Variants in GOLIM4 observed in about 807,000 individuals in gnomAD.
The protein encoded by GOLIM4 is 130 kDa golgi-localized phosphoprotein.
Under a neutral mutation model 107.4 loss-of-function variants are expected in GOLIM4, and 71 were observed. The observed-to-expected ratio is 0.66, with a 90% CI of 0.55 to 0.81. The LOEUF (loss-of-function observed/expected upper bound fraction) is 0.81. Among genes scored for constraint, GOLIM4 ranks in the 30% least tolerant of loss-of-function variants. The pLI is 0.00. For missense variants in GOLIM4, 830 were observed against 826.1 expected, an observed-to-expected ratio of 1.00 and a Z score of -0.06; for synonymous variants, 327 against 294.8, an observed-to-expected ratio of 1.11 and a Z score of -1.12.
chr3:168,072,396 G>T (rs1050064208), intron 1 of GOLIM4, among the ~76,000 whole-genome samples: 6 of 149,718 alleles, frequency 4.0e-5, no homozygotes, highest in Non-Finnish European at 7.4e-5. Flanking sequence ...AAAAAAAAAG[G>T]TTCTGAAAGA....
At chr3:168,067,261 A>T (rs1339287282) in intron 1 of GOLIM4, among the ~76,000 whole-genome samples, 1 of 152,134 alleles carries the variant, frequency 6.6e-6, no homozygotes, top group Non-Finnish European at 1.5e-5. Context: ...CAACTAGTCC[A>T]TCTCTTCCAT....
rs542754911 is a variant in GOLIM4, at chr3:168,013,747, G to C, written c.1861-2924C>G. Among the ~76,000 whole-genome samples the C allele has an allele frequency of 2.7e-5, 4 of 150,764 alleles. No homozygotes were observed. The East Asian group carries it at 5.8e-4, about 22-fold the overall frequency. On this transcript the variant is annotated intron_variant, in intron 14 of 15. Coordinates refer to ENST00000470487, the MANE Select transcript of GOLIM4 (RefSeq NM_014498.5). ...AGGATTAAGAATCTCACTCAAAACC[G>C]CTCAACTACATGGAAACTGAACAAC...
At chr3:168,061,975 A>G (rs1016840770) in intron 1 of GOLIM4, among the ~76,000 whole-genome samples, 1 of 152,228 alleles carries the variant, frequency 6.6e-6, no homozygotes, top group Non-Finnish European at 1.5e-5. Context: ...TTGTGAATGT[A>G]TAATTCAATA....
At chr3:168,077,034 G>A (rs372756438) in intron 1 of GOLIM4, among the ~76,000 whole-genome samples, 3 of 151,994 alleles carry the variant, frequency 2.0e-5, no homozygotes, top group Non-Finnish European at 2.9e-5. Flanking sequence ...CATACCCTCC[G>A]CCTAAAAGTA....
intron 3 of GOLIM4, among the ~76,000 whole-genome samples, chr3:168,045,918 G>A (rs1193420344): frequency 1.3e-5 from 2 of 152,176 alleles, no homozygotes; most frequent in Non-Finnish European, 2.9e-5. Flanking sequence ...GGTCTGCCCT[G>A]TTGTCCAGGC....
chr3:168,030,948 A>G (rs573395795), intron 9 of GOLIM4, among the ~76,000 whole-genome samples: 124 of 152,354 alleles, frequency 8.1e-4, no homozygotes, highest in Admixed American at 1.2e-3. Context: ...TGGCTAAAAC[A>G]TGAAATCAAC....
rs919703334 is a variant in GOLIM4, at chr3:168,075,293, T to G, written c.187+19806A>C. Among the ~76,000 whole-genome samples, 8 of 82,980 alleles carry G rather than the reference T, an allele frequency of 9.6e-5. No homozygotes were observed. In the South Asian group the frequency reaches 1.1e-3, roughly 12 times the overall value. 54.4% of individuals were successfully genotyped at this position (82,980 alleles called of 152,430 possible). On this transcript the variant is annotated intron_variant, in intron 1 of 15. Transcript: ENST00000470487. ...ATTGGCGGACATTCACTAGTTTTTT[T>G]TTTTTTTTTTTTTTTTTTTTTGAGA...
At position 168,015,027 on chromosome 3, in the gene GOLIM4, A is replaced by G. The variant is rs1717283407; in HGVS notation, c.1861-4204T>C. On this transcript the variant is annotated intron_variant, in intron 14 of 15. Coordinates refer to ENST00000470487, the MANE Select transcript of GOLIM4 (RefSeq NM_014498.5). The stretch of plus-strand genomic sequence containing the variant: ...CCACTCCTATTCAACATAGTGTTGG[A>G]AGTTCTGGCCAGGGCAATTAGGCAG... 2.0e-5 allele frequency among the ~76,000 whole-genome samples: 3 copies of G among 150,764 alleles called. No individual in the cohort carries two copies. The South Asian group carries it at 6.3e-4, about 32-fold the overall frequency.
chr3:168,091,822 A>T (rs1316840451), intron 1 of GOLIM4, among the ~76,000 whole-genome samples: 1 of 152,254 alleles, frequency 6.6e-6, no homozygotes, highest in Non-Finnish European at 1.5e-5. Context: ...AGGTTCACAC[A>T]AAAGGTTGTA....
intron 1 of GOLIM4, among the ~76,000 whole-genome samples, chr3:168,076,415 C>T (rs1358212028): frequency 1.3e-5 from 2 of 152,098 alleles, no homozygotes; most frequent in East Asian, 1.9e-4. Context: ...AAATCCTGGC[C>T]GGGCATGGTG....
Position 168,015,577 on chromosome 3 carries a change from C to T in GOLIM4, c.1861-4754G>A, listed in dbSNP as rs1467106976. Among the ~76,000 whole-genome samples, 215 of 136,914 alleles carry T rather than the reference C, an allele frequency of 1.6e-3. 7 individuals are homozygous for T. In the East Asian group the frequency reaches 0.019, roughly 12 times the overall value. 89.8% of individuals were successfully genotyped at this position (136,914 alleles called of 152,430 possible). ...TATGGAACCAAAAAAGAGCCCGCATCGCCAAGTCAATCCTAAGCCAAAAGA... is the reference window on the plus strand; with the variant it reads ...TATGGAACCAAAAAAGAGCCCGCATTGCCAAGTCAATCCTAAGCCAAAAGA... On this transcript the variant is annotated intron_variant, in intron 14 of 15. Coordinates refer to ENST00000470487, the MANE Select transcript of GOLIM4 (RefSeq NM_014498.5).
At chr3:168,019,141 G>A (rs1322334470) in intron 14 of GOLIM4, among the ~76,000 whole-genome samples, 1 of 152,164 alleles carries the variant, frequency 6.6e-6, no homozygotes, top group Admixed American at 6.5e-5. Flanking sequence ...CTAAAGACTT[G>A]GCTCTGCAAC....
intron 11 of GOLIM4, among the ~76,000 whole-genome samples, chr3:168,028,905 C>T (rs1300284863): frequency 6.6e-6 from 1 of 152,066 alleles, no homozygotes; most frequent in Non-Finnish European, 1.5e-5. Context: ...GTGAGGACTT[C>T]CAAGGTAAGG....
chr3:168,025,125 A>G (rs764201284), intron 12 of GOLIM4, 30 bp from the exon 13 acceptor site: 1 of 1,549,590 alleles, frequency 6.5e-7, no homozygotes. Flanking sequence ...AGCAACTATC[A>G]CTTCAAAACT....
At chr3:168,060,083 T>C (rs1422285497) in intron 1 of GOLIM4, among the ~76,000 whole-genome samples, 6 of 149,972 alleles carry the variant, frequency 4.0e-5, no homozygotes, top group East Asian at 1.9e-4. Context: ...CTTGGAGAAA[T>C]TGGGAACCAT....
Position 168,009,975 on chromosome 3 carries a change from C to T in GOLIM4, c.*294G>A, listed in dbSNP as rs1463609960. 4.2e-6 allele frequency: 1 copy of T among 236,364 alleles called. No homozygotes were observed. Among genetic ancestry groups the T allele is most frequent in the Non-Finnish European group, 8.0e-6 (1 of 124,774 alleles). 14.6% of individuals were successfully genotyped at this position (236,364 alleles called of 1,614,324 possible). On this transcript the variant is annotated 3_prime_UTR_variant, in exon 16 of 16. Coordinates refer to ENST00000470487, the MANE Select transcript of GOLIM4 (RefSeq NM_014498.5). ...TAACACGCTGAAACATATACAAAAT[C>T]AATGAGCTTTCCAACATCACATAAT...
At chr3:168,066,304 A>G (rs907033953) in intron 1 of GOLIM4, among the ~76,000 whole-genome samples, 8 of 152,212 alleles carry the variant, frequency 5.3e-5, no homozygotes, top group African/African-American at 1.7e-4. Context: ...GATTCCACCA[A>G]TAATTCAGTG....
rs533674433 is a variant in GOLIM4, at chr3:168,095,571, G to C, written c.-286C>G. The C allele has an allele frequency of 2.6e-4, 102 of 396,052 alleles. No homozygotes were observed. The Middle Eastern group carries it at 2.7e-3, about 10-fold the overall frequency. 24.5% of individuals were successfully genotyped at this position (396,052 alleles called of 1,614,324 possible). On this transcript the variant is annotated 5_prime_UTR_variant, in exon 1 of 16. Coordinates refer to ENST00000470487, the MANE Select transcript of GOLIM4 (RefSeq NM_014498.5). ...GAGGCCCTCCGCATACTTCAGAGCC[G>C]GCTGCCCTCGCGCCTGTCCCCAGAT...
In GOLIM4 at chr3:168,040,785, C is replaced by T; in HGVS notation, c.684+1G>A. 2 of 1,596,776 alleles carry T rather than the reference C, an allele frequency of 1.3e-6. No homozygotes were observed. The highest frequency in any genetic ancestry group is 4.5e-5 in the East Asian group (2 of 44,796). ...CCCACAGAGGCTGCTACCCTTCTAA[C>T]CTGTGCAGCAGCTAGTGCACTCTTG... On this transcript the variant is annotated splice_donor_variant, in intron 7 of 15. Coordinates refer to ENST00000470487, the MANE Select transcript of GOLIM4 (RefSeq NM_014498.5). LOFTEE classifies it high-confidence loss of function.
Sources: gnomAD v4.1 joint callset for allele counts (sites outside exome capture counted in the v4.1 genomes callset) on GRCh38, gnomAD v4.1.1 for gene constraint, MANE v1.5 for transcripts, NCBI Gene and HGNC (gene_info 2026-07-23, HGNC 2026-07-21) for gene names.